PARVB: variants seen among roughly 807,000 people sequenced by gnomAD.
The protein encoded by PARVB is beta-parvin.
Under a neutral mutation model 47.0 loss-of-function variants are expected in PARVB, and 46 were observed. The ratio of observed to expected loss-of-function variants is 0.98; its 90% confidence interval spans 0.77 to 1.25. PARVB has a LOEUF of 1.25. PARVB is among the 50% of genes most tolerant of loss of function. The pLI, the probability that PARVB is intolerant of heterozygous loss-of-function variation, is 0.00. For missense variants in PARVB, 473 were observed against 471.6 expected (o/e 1.00, Z -0.03); for synonymous variants, 196 against 196.3 (o/e 1.00, Z 0.01).
chr22:44,007,777 ACT>A (rs1382281719), intron 2 of PARVB, among the ~76,000 whole-genome samples: 1 of 151,880 alleles, frequency 6.6e-6, no homozygotes, highest in Non-Finnish European at 1.5e-5. Flanking sequence ...CATCTCCAGA[ACT>A]CTTTCATTCC....
At chr22:44,075,150 C>T (rs1035544905) in intron 1 of PARVB, among the ~76,000 whole-genome samples, 1 of 151,948 alleles carries the variant, frequency 6.6e-6, no homozygotes, top group Non-Finnish European at 1.5e-5. Flanking sequence ...TGAGAGGCTC[C>T]CCGGAAGCAG....
At chr22:44,151,576 A>G (rs776704617) in intron 10 of PARVB, 25 bp downstream of exon 10, 1 of 1,580,320 alleles carries the variant, frequency 6.3e-7, no homozygotes, top group African/African-American at 1.3e-5. Flanking sequence ...GGCTTGAAGG[A>G]TCCTTTGTCC....
chr22:44,164,299 CT>C (rs1356176567), intron 12 of PARVB, among the ~76,000 whole-genome samples: 1 of 152,214 alleles, frequency 6.6e-6, no homozygotes, highest in Non-Finnish European at 1.5e-5. Flanking sequence ...TGGAGGTCCC[CT>C]GATGCTCAGC....
intron 1 of PARVB, among the ~76,000 whole-genome samples, chr22:44,071,095 AGTGTGGG>A (rs1307286170): frequency 6.6e-6 from 1 of 152,122 alleles, no homozygotes; most frequent in Non-Finnish European, 1.5e-5. Context: ...TCCTGGGGCC[AGTGTGGG>A]GTGTGGGGGA....
chr22:44,069,009 CA>C, intron 1 of PARVB: 1 of 1,000,746 alleles, frequency 1.0e-6, no homozygotes. Context: ...TGACCTTCCT[CA>C]AAGGCTCCCC....
intron 11 of PARVB, 70 bp downstream of exon 11, chr22:44,158,153 C>T (rs2053977366): frequency 2.9e-6 from 3 of 1,019,654 alleles, no homozygotes; most frequent in South Asian, 1.4e-5. Context: ...CATAGACTAT[C>T]CCGGCAGCTC....
chr22:44,101,893 T>G (rs1418131134), intron 3 of PARVB, among the ~76,000 whole-genome samples: 1 of 152,228 alleles, frequency 6.6e-6, no homozygotes, highest in East Asian at 1.9e-4. Flanking sequence ...AGAACGTTGA[T>G]GAGGAAAGTC....
intron 1 of PARVB, among the ~76,000 whole-genome samples, chr22:44,033,990 T>A (rs1474702272): frequency 2.0e-5 from 3 of 151,920 alleles, no homozygotes. Context: ...CTGACAAGGC[T>A]GGAGAAAGGG....
chr22:44,067,889 C>G (rs978927777), intron 1 of PARVB, among the ~76,000 whole-genome samples: 1 of 152,198 alleles, frequency 6.6e-6, no homozygotes, highest in East Asian at 1.9e-4. Context: ...CTGGATGAAG[C>G]TTGGTTTGTG....
At chr22:44,136,624 G>A (rs566967352) in intron 7 of PARVB, 106 bp downstream of exon 7, 356 of 848,284 alleles carry the variant, frequency 4.2e-4, no homozygotes, top group Admixed American at 1.1e-3. Context: ...GGCTGCTCCC[G>A]CTCCACACCC....
At chr22:44,164,080 C>T in intron 12 of PARVB, 150 bp downstream of exon 12, 1 of 538,916 alleles carries the variant, frequency 1.9e-6, no homozygotes, top group South Asian at 2.8e-5. Context: ...ACCCCAGCTC[C>T]TCAGTCTCCT....
intron 1 of PARVB, among the ~76,000 whole-genome samples, chr22:44,065,376 C>T (rs1424309881): frequency 3.9e-5 from 6 of 152,092 alleles, no homozygotes; most frequent in Admixed American, 3.3e-4. Context: ...AAGCTGGTCT[C>T]GAACTCCTGG....
chr22:44,146,914 G>C (rs890118908), intron 8 of PARVB: 1 of 152,482 alleles, frequency 6.6e-6, no homozygotes, highest in African/African-American at 2.4e-5. Flanking sequence ...AAGTTGGGGG[G>C]CCCTGGGCCC....
intron 12 of PARVB, among the ~76,000 whole-genome samples, chr22:44,165,476 G>A (rs1292486197): frequency 2.6e-5 from 4 of 152,188 alleles, no homozygotes; most frequent in South Asian, 2.1e-4. Context: ...GGGACCCCTC[G>A]TTGCTGCTGC....
chr22:44,053,709 G>T, intron 1 of PARVB, among the ~76,000 whole-genome samples: 1 of 152,230 alleles, frequency 6.6e-6, no homozygotes, highest in South Asian at 2.1e-4. Context: ...AACAGTGGCT[G>T]TAAGTCAGGG....
rs114488960 is a variant in PARVB, at chr22:44,007,979, G to A, written c.211+8306G>A. 3.3e-3 allele frequency among the ~76,000 whole-genome samples: 498 copies of A among 152,244 alleles called. 3 individuals carry two copies. The highest frequency in any genetic ancestry group is 0.011 in the African/African-American group (460 of 41,530). On this transcript the variant is annotated intron_variant, in intron 2 of 13. Coordinates refer to the PARVB transcript ENST00000406477. ...CATCATGTCCTCAAAGTTCATCTGCGTTGTAGGCTGAGTCAGAATTTCATG... is the reference window on the plus strand; with the variant it reads ...CATCATGTCCTCAAAGTTCATCTGCATTGTAGGCTGAGTCAGAATTTCATG...
intron 8 of PARVB, 50 bp from the exon 9 acceptor site, chr22:44,147,811 C>G: frequency 6.5e-7 from 1 of 1,527,328 alleles, no homozygotes; most frequent in Non-Finnish European, 9.1e-7. Flanking sequence ...TAGGGCAGCA[C>G]CACGGGTTTC....
intron 1 of PARVB, among the ~76,000 whole-genome samples, chr22:44,077,822 C>T (rs191662970): frequency 4.6e-5 from 7 of 152,146 alleles, no homozygotes; most frequent in East Asian, 1.9e-4. Context: ...CTCAGCCTCC[C>T]GAGTAGCTGG....
intron 2 of PARVB, among the ~76,000 whole-genome samples, chr22:44,095,908 G>T (rs897236215): frequency 2.0e-5 from 3 of 152,194 alleles, no homozygotes; most frequent in Non-Finnish European, 4.4e-5. Flanking sequence ...GGTCCACGGG[G>T]CTTTCTCTCC....
Sources: allele counts gnomAD v4.1 joint callset (sites outside exome capture counted in the v4.1 genomes callset), GRCh38; gene constraint gnomAD v4.1.1; transcripts MANE v1.5; gene names NCBI Gene and HGNC (gene_info 2026-07-23, HGNC 2026-07-21).